Variants in ANO6 observed in about 807,000 individuals in gnomAD.
ANO6 encodes the protein anoctamin 6, also known as anoctamin-6.
In ANO6, 106 loss-of-function variants were observed where a neutral mutation model predicts 117.5. The ratio of observed to expected loss-of-function variants is 0.90; its 90% CI spans 0.77 to 1.06. ANO6 has a LOEUF of 1.06. Ranked by LOEUF, ANO6 falls within the 50% of genes least tolerant of loss-of-function variation. The probability of loss-of-function intolerance (pLI) is 0.00; values close to 1 mark genes in which losing one functional copy is unlikely to be tolerated. For synonymous variants in ANO6, 367 were observed against 385.1 expected (o/e 0.95, Z 0.55); for missense variants, 955 against 1,121.1 (o/e 0.85, Z 2.12).
Position 45,262,129 on chromosome 12 carries a change from TAAAAC to T in ANO6, c.71-39880_71-39876del, listed in dbSNP as rs1592889136. On this transcript the variant is annotated intron_variant, in intron 1 of 19. Transcript: ENST00000320560. ...TTTGGGAAATACAGAAAACTGCAAA[TAAAAC>T]AAAAATCACCCCAACACTACCCCTC... 2.6e-5 allele frequency among the ~76,000 whole-genome samples: 4 copies of T among 152,208 alleles called. No homozygotes were observed. The East Asian group carries it at 7.7e-4, about 29-fold the overall frequency.
chr12:45,394,818 C>T (rs1379071309), intron 12 of ANO6, among the ~76,000 whole-genome samples: 2 of 152,166 alleles, frequency 1.3e-5, no homozygotes, highest in Non-Finnish European at 2.9e-5. Flanking sequence ...CGCAACATGC[C>T]AGAATCTCTG....
chr12:45,361,575 C>A (rs1941556168), intron 8 of ANO6, among the ~76,000 whole-genome samples: 1 of 152,046 alleles, frequency 6.6e-6, no homozygotes, highest in African/African-American at 2.4e-5. Context: ...ATATAATGAT[C>A]TTAGGAGGAA....
intron 2 of ANO6, among the ~76,000 whole-genome samples, chr12:45,326,239 A>G (rs912184538): frequency 6.6e-6 from 1 of 152,216 alleles, no homozygotes; most frequent in Non-Finnish European, 1.5e-5. Context: ...ATTTCATGGC[A>G]CAATCTAATG....
At chr12:45,354,683 G>C (rs1398990492) in intron 7 of ANO6, among the ~76,000 whole-genome samples, 1 of 152,162 alleles carries the variant, frequency 6.6e-6, no homozygotes, top group African/African-American at 2.4e-5. Flanking sequence ...TTGCTGATAA[G>C]TACACAGAAA....
intron 16 of ANO6, among the ~76,000 whole-genome samples, chr12:45,409,854 C>G (rs1943041007): frequency 6.6e-6 from 1 of 152,146 alleles, no homozygotes; most frequent in South Asian, 2.1e-4. Context: ...CTCCCAGGTT[C>G]AAGCAATTCT....
chr12:45,396,023 A>G (rs1376241371), intron 12 of ANO6, among the ~76,000 whole-genome samples: 1 of 152,202 alleles, frequency 6.6e-6, no homozygotes, highest in Non-Finnish European at 1.5e-5. Flanking sequence ...AATAAAGGGT[A>G]TTCAATTAGG....
intron 15 of ANO6, 108 bp from the exon 16 acceptor site, chr12:45,409,249 T>G: frequency 7.1e-7 from 1 of 1,416,200 alleles, no homozygotes; most frequent in Non-Finnish European, 9.8e-7. Context: ...AACAAAAAAA[T>G]AGTTTATTGG....
chr12:45,376,870 G>A (rs1942038810), intron 9 of ANO6, among the ~76,000 whole-genome samples: 1 of 145,188 alleles, frequency 6.9e-6, no homozygotes, highest in Non-Finnish European at 1.5e-5. Context: ...GAAAAAAAAA[G>A]AATATTGAAA....
At chr12:45,228,924 T>C (rs939645088) in intron 1 of ANO6, among the ~76,000 whole-genome samples, 1 of 152,168 alleles carries the variant, frequency 6.6e-6, no homozygotes, top group Non-Finnish European at 1.5e-5. Context: ...TCATCCACCC[T>C]CATATCCCTG....
At chr12:45,358,479 A>G (rs1408040703) in intron 8 of ANO6, among the ~76,000 whole-genome samples, 2 of 152,126 alleles carry the variant, frequency 1.3e-5, no homozygotes, top group Admixed American at 1.3e-4. Flanking sequence ...CTAGTTTAAA[A>G]AAAAAAAATC....
In ANO6 at chr12:45,430,150, A is replaced by T. The variant is rs1943599487; in HGVS notation, c.*839A>T. The T allele has an allele frequency of 3.0e-6, 3 of 985,294 alleles. No homozygotes were observed. The highest frequency in any genetic ancestry group is 3.6e-6 in the Non-Finnish European group (3 of 829,898). The allele number at this position is 985,294 out of a possible 1,614,324, so 61.0% of individuals were successfully genotyped here. Reference sequence around the variant, plus strand: ...TAATTAATCTTTTCTAAAGATGTGTAGTTTCTTGGAAAACAGTGATATCAC... The same window carrying T: ...TAATTAATCTTTTCTAAAGATGTGTTGTTTCTTGGAAAACAGTGATATCAC... On this transcript the variant is annotated 3_prime_UTR_variant, in exon 20 of 20. Transcript: ENST00000320560.
chr12:45,236,879 C>T (rs1194063574), intron 1 of ANO6, among the ~76,000 whole-genome samples: 1 of 152,210 alleles, frequency 6.6e-6, no homozygotes, highest in Non-Finnish European at 1.5e-5. Flanking sequence ...TCCATATCCT[C>T]TCCAGCATCT....
intron 10 of ANO6, among the ~76,000 whole-genome samples, chr12:45,387,163 A>C (rs1326833263): frequency 1.3e-5 from 2 of 152,166 alleles, no homozygotes; most frequent in African/African-American, 4.8e-5. Flanking sequence ...TATAGGAAGG[A>C]CTTAGGGTTC....
At chr12:45,393,932 T>C (rs1942531459) in intron 12 of ANO6, among the ~76,000 whole-genome samples, 2 of 152,290 alleles carry the variant, frequency 1.3e-5, no homozygotes, top group Admixed American at 1.3e-4. Flanking sequence ...AAGAAACTGC[T>C]TTAATTAACG....
chr12:45,387,043 T>G (rs575458360), intron 10 of ANO6, among the ~76,000 whole-genome samples: 3 of 152,350 alleles, frequency 2.0e-5, no homozygotes, highest in Admixed American at 2.0e-4. Context: ...CTCATATGCC[T>G]AGGAGCTCCT....
intron 2 of ANO6, among the ~76,000 whole-genome samples, chr12:45,320,288 A>G (rs903856950): frequency 3.9e-5 from 6 of 151,966 alleles, no homozygotes; most frequent in African/African-American, 1.4e-4. Context: ...GCACTGCTTT[A>G]AATGTGTCCC....
chr12:45,339,868 T>C (rs1165821268), intron 3 of ANO6, among the ~76,000 whole-genome samples: 1 of 152,154 alleles, frequency 6.6e-6, no homozygotes, highest in Admixed American at 6.6e-5. Context: ...ATACTTTGCC[T>C]AACAAAGCTA....
rs1355384586 is a variant in ANO6 at position 45,430,825 on chromosome 12, C to CCT, written c.*1518_*1519dup. ...CTCTGGAAAAGACAGGGAGCCAGGC[C>CCT]CTCTCACCCCTACTGGTAACAGGTC... On this transcript the variant is annotated 3_prime_UTR_variant, in exon 20 of 20. Coordinates refer to ENST00000320560, the MANE Select transcript of ANO6 (RefSeq NM_001025356.3). 1 of 985,242 alleles carries CCT rather than the reference C, an allele frequency of 1.0e-6. No individual in the cohort carries two copies. Among genetic ancestry groups the CCT allele is most frequent in the Non-Finnish European group, 1.2e-6 (1 of 829,990 alleles). 61.0% of individuals were successfully genotyped at this position (985,242 alleles called of 1,614,324 possible).
chr12:45,385,335 C>T (rs1180768362), intron 10 of ANO6, among the ~76,000 whole-genome samples: 1 of 152,070 alleles, frequency 6.6e-6, no homozygotes, highest in Non-Finnish European at 1.5e-5. Context: ...TGCATAATTA[C>T]AGAGTGGGAG....
Sources: allele counts gnomAD v4.1 joint callset (sites outside exome capture counted in the v4.1 genomes callset), GRCh38; gene constraint gnomAD v4.1.1; transcripts MANE v1.5; gene names NCBI Gene and HGNC (gene_info 2026-07-23, HGNC 2026-07-21).